The following ATL2 variants were observed in gnomAD, a reference collection of about 807,000 sequenced individuals.
ATL2 encodes atlastin-2.
ATL2 carries 31 observed loss-of-function variants against 73.9 expected under a neutral mutation model. The observed-to-expected ratio is 0.42, with a 90% CI of 0.32 to 0.57. The LOEUF (loss-of-function observed/expected upper bound fraction) is 0.57. Among genes scored for constraint, ATL2 ranks in the 20% least tolerant of loss-of-function variants. The pLI is 0.14. For missense variants in ATL2, 738 were observed against 702.6 expected (o/e 1.05, Z -0.57); for synonymous variants, 291 against 237.5 (o/e 1.23, Z -2.07).
At chr2:38,363,279 C>A (rs905938230) in intron 1 of ATL2, among the ~76,000 whole-genome samples, 30 of 150,874 alleles carry the variant, frequency 2.0e-4, no homozygotes, top group Admixed American at 2.7e-4. Flanking sequence ...AGCATGTCTG[C>A]TGAATAAACT....
At chr2:38,351,947 A>G (rs540715336) in intron 1 of ATL2, among the ~76,000 whole-genome samples, 4 of 151,928 alleles carry the variant, frequency 2.6e-5, no homozygotes, top group African/African-American at 9.6e-5. Flanking sequence ...CTCTGTCTCT[A>G]CTAAAAATAC....
upstream of ATL2, chr2:38,377,366 C>G (rs563360034): frequency 1.5e-5 from 13 of 851,360 alleles, no homozygotes; most frequent in East Asian, 2.5e-4. Context: ...GCGCCGCTCT[C>G]CGCCTGTATC....
chr2:38,343,943 TTG>T (rs937407478), intron 1 of ATL2, among the ~76,000 whole-genome samples: 57 of 152,200 alleles, frequency 3.7e-4, no homozygotes, highest in Non-Finnish European at 6.5e-4. Flanking sequence ...TCCGCCATGA[TTG>T]TGAGACCTCC....
chr2:38,372,507 C>A (rs1256565044), intron 1 of ATL2, among the ~76,000 whole-genome samples: 2 of 152,092 alleles, frequency 1.3e-5, no homozygotes, highest in African/African-American at 4.8e-5. Context: ...CCCATGGATA[C>A]CAAGGGACAA....
upstream of ATL2, chr2:38,377,331 C>T (rs2124518815): frequency 1.2e-5 from 16 of 1,389,826 alleles, no homozygotes; most frequent in East Asian, 2.8e-5. Context: ...CTCCCGGGAG[C>T]CGGCGGGGTG....
intron 1 of ATL2, among the ~76,000 whole-genome samples, chr2:38,372,660 G>C (rs1035172462): frequency 6.6e-6 from 1 of 152,304 alleles, no homozygotes; most frequent in Non-Finnish European, 1.5e-5. Context: ...TAGCTAAGAA[G>C]CATGAATGAT....
At chr2:38,308,486 A>G (rs948263975) in intron 9 of ATL2, among the ~76,000 whole-genome samples, 2 of 152,160 alleles carry the variant, frequency 1.3e-5, no homozygotes, top group African/African-American at 2.4e-5. Flanking sequence ...GAGGGGAGGC[A>G]GAGATGGTTA....
chr2:38,296,812 T>A (rs1454856907), intron 12 of ATL2: 32 of 1,463,488 alleles, frequency 2.2e-5, no homozygotes, highest in Non-Finnish European at 2.9e-5. Flanking sequence ...AATGATTTTA[T>A]ACACTTTAGA....
rs917773447 is a variant in ATL2, at chr2:38,300,334, A to T, written c.1072-6T>A. On this transcript the variant is annotated splice_polypyrimidine_tract_variant and splice_region_variant and intron_variant, in intron 9 of 12. Coordinates refer to ENST00000378954, the MANE Select transcript of ATL2 (RefSeq NM_001135673.4). ...TGATAGATTTTGATGTAAGCCTAAA[A>T]AGGGAGAAGATTTGTTAGACTGACG... 6.2e-7 allele frequency: 1 copy of T among 1,603,940 alleles called. No individual in the cohort carries two copies. The highest frequency in any genetic ancestry group is 8.5e-7 in the Non-Finnish European group (1 of 1,171,260).
chr2:38,336,999 T>C (rs1475219212), intron 2 of ATL2, among the ~76,000 whole-genome samples: 4 of 152,054 alleles, frequency 2.6e-5, no homozygotes, highest in Non-Finnish European at 2.9e-5. Flanking sequence ...ATGCAGAACA[T>C]GTAAAACTAC....
intron 1 of ATL2, among the ~76,000 whole-genome samples, chr2:38,347,202 G>A (rs926765527): frequency 2.6e-5 from 4 of 152,122 alleles, no homozygotes; most frequent in Admixed American, 2.0e-4. Context: ...TTCTATAGTC[G>A]TATGCGATCT....
At chr2:38,361,863 T>C (rs1406322597) in intron 1 of ATL2, among the ~76,000 whole-genome samples, 2 of 152,196 alleles carry the variant, frequency 1.3e-5, no homozygotes, top group African/African-American at 4.8e-5. Context: ...GAAATGTGGA[T>C]CTTCGAAGAT....
intron 1 of ATL2, among the ~76,000 whole-genome samples, chr2:38,359,016 C>G (rs1001145510): frequency 1.3e-5 from 2 of 152,144 alleles, no homozygotes; most frequent in East Asian, 3.9e-4. Context: ...TCATATTTCT[C>G]TCATATAAAA....
At chr2:38,310,743 T>C (rs1278389841) in intron 7 of ATL2, among the ~76,000 whole-genome samples, 2 of 151,780 alleles carry the variant, frequency 1.3e-5, no homozygotes, top group African/African-American at 2.4e-5. Context: ...GTTCAAGTGA[T>C]TCTCCTGCCT....
At chr2:38,355,728 C>A (rs1165589559) in intron 1 of ATL2, among the ~76,000 whole-genome samples, 1 of 141,618 alleles carries the variant, frequency 7.1e-6, no homozygotes, top group South Asian at 2.2e-4. Context: ...TTCTTTGAGT[C>A]TCGCTCTGTC....
intron 10 of ATL2, among the ~76,000 whole-genome samples, chr2:38,299,614 C>T (rs776545117): frequency 1.3e-5 from 2 of 152,064 alleles, no homozygotes; most frequent in Non-Finnish European, 2.9e-5. Context: ...TAGATATAAC[C>T]CTAAAATATG....
chr2:38,327,007 A>G (rs1298613213), intron 2 of ATL2, among the ~76,000 whole-genome samples: 1 of 151,862 alleles, frequency 6.6e-6, no homozygotes, highest in Admixed American at 6.6e-5. Flanking sequence ...AGCAAAACAA[A>G]AATCATGCAA....
chr2:38,360,744 G>C (rs1670966127), intron 1 of ATL2, among the ~76,000 whole-genome samples: 1 of 152,094 alleles, frequency 6.6e-6, no homozygotes, highest in South Asian at 2.1e-4. Context: ...TTTTTGGGGG[G>C]AAATGAGGGA....
intron 1 of ATL2, among the ~76,000 whole-genome samples, chr2:38,370,448 CAAAAAAAAAA>C (rs55964015): frequency 1.4e-3 from 79 of 55,208 alleles, no homozygotes; most frequent in African/African-American, 2.9e-3. Flanking sequence ...GACTCTGTCC[CAAAAAAAAAA>C]AAAAAAAAAA....
Sources: gnomAD v4.1 joint callset for allele counts (sites outside exome capture counted in the v4.1 genomes callset) on GRCh38, gnomAD v4.1.1 for gene constraint, MANE v1.5 for transcripts, NCBI Gene and HGNC (gene_info 2026-07-23, HGNC 2026-07-21) for gene names.